Variants in TTLL13 observed in about 807,000 individuals in gnomAD.
The protein encoded by TTLL13 is tubulin tyrosine ligase like 13, also known as tubulin polyglutamylase TTLL13.
the TTLL13 span, among the ~76,000 whole-genome samples, chr15:90,264,460 C>T: frequency 3.3e-5 from 5 of 152,290 alleles, no homozygotes; most frequent in South Asian, 2.1e-4. Flanking sequence ...TGTAAGCCAC[C>T]GCACCAGGCC....
the TTLL13 span, chr15:90,250,527 A>C: frequency 7.1e-7 from 1 of 1,402,334 alleles, no homozygotes; most frequent in Non-Finnish European, 9.7e-7. Flanking sequence ...TAACAGCATG[A>C]AGGTCGTTCT....
chr15:90,265,389 G>C, the TTLL13 span: 2 of 1,247,604 alleles, frequency 1.6e-6, no homozygotes, highest in Non-Finnish European at 2.0e-6. Context: ...CCGAGGTGGC[G>C]GAGACAGGCA....
At chr15:90,263,256 G>A in the TTLL13 span, 13 of 1,024,290 alleles carry the variant, frequency 1.3e-5, no homozygotes, top group Non-Finnish European at 1.8e-5. Flanking sequence ...TGTCAGTGGA[G>A]CCTGGGAAAG....
the TTLL13 span, among the ~76,000 whole-genome samples, chr15:90,256,549 CTT>C: frequency 1.6e-4 from 4 of 24,468 alleles, no homozygotes; most frequent in South Asian, 2.0e-3. Context: ...CTTCCTTTTT[CTT>C]TCTTTCTTTC....
At chr15:90,253,335 C>G in the TTLL13 span, 5 of 1,613,408 alleles carry the variant, frequency 3.1e-6, no homozygotes, top group Non-Finnish European at 4.2e-6. Flanking sequence ...CGCTGTCTCA[C>G]TGGAACGAGT....
the TTLL13 span, chr15:90,262,715 T>C: frequency 2.1e-6 from 3 of 1,435,604 alleles, no homozygotes; most frequent in East Asian, 2.5e-5. Context: ...GAAAATGGGT[T>C]GGGACAACTA....
the TTLL13 span, chr15:90,257,061 G>A: frequency 0.27 from 367,755 of 1,340,608 alleles, 57,045 homozygotes; most frequent in East Asian, 0.66. Context: ...TTAGCTATGT[G>A]TGTGAAGCAC....
the TTLL13 span, chr15:90,249,956 T>TTTATTTATTTAC: frequency 6.6e-6 from 1 of 151,636 alleles, no homozygotes; most frequent in African/African-American, 2.4e-5. Context: ...ATTTTATTTA[T>TTTATTTATTTAC]TTATTTATTT....
the TTLL13 span, chr15:90,256,398 C>G: frequency 1.3e-4 from 192 of 1,441,010 alleles, no homozygotes; most frequent in African/African-American, 2.5e-3. Flanking sequence ...AGGCTTCTAC[C>G]CTTCCCACTA....
the TTLL13 span, chr15:90,261,959 A>G: frequency 2.1e-6 from 3 of 1,444,234 alleles, no homozygotes; most frequent in South Asian, 4.1e-5. Flanking sequence ...TCCCTACTGA[A>G]CATTCCCACA....
the TTLL13 span, chr15:90,253,284 G>A: frequency 1.2e-6 from 2 of 1,613,840 alleles, no homozygotes; most frequent in African/African-American, 1.3e-5. Context: ...CCTGAAGGAG[G>A]TGGGGGAGGA....
chr15:90,265,308 C>A, the TTLL13 span: 2 of 1,210,468 alleles, frequency 1.7e-6, no homozygotes, highest in African/African-American at 1.6e-5. Flanking sequence ...GAGCCCCTTT[C>A]CCAGAGAAGC....
chr15:90,259,050 T>A, the TTLL13 span: 1 of 1,539,218 alleles, frequency 6.5e-7, no homozygotes, highest in African/African-American at 1.4e-5. Context: ...GCATAGATAA[T>A]ATGTTCATAT....
chr15:90,258,819 T>C, the TTLL13 span: 2 of 1,614,190 alleles, frequency 1.2e-6, no homozygotes, highest in South Asian at 2.2e-5. Context: ...TGTGATGCTA[T>C]GACCCTTGTC....
the TTLL13 span, chr15:90,261,956 T>C: frequency 7.0e-7 from 1 of 1,432,874 alleles, no homozygotes; most frequent in Non-Finnish European, 9.3e-7. Context: ...CTTTCCCTAC[T>C]GAACATTCCC....
the TTLL13 span, chr15:90,251,020 G>A: frequency 9.9e-6 from 12 of 1,207,062 alleles, no homozygotes; most frequent in Middle Eastern, 5.9e-4. Flanking sequence ...ATGCTGGAGT[G>A]TCATTAACCC....
the TTLL13 span, chr15:90,258,769 G>C: frequency 1.2e-6 from 2 of 1,614,116 alleles, no homozygotes; most frequent in Non-Finnish European, 1.7e-6. Flanking sequence ...GCTTTACCAC[G>C]GACTCATGCC....
chr15:90,258,984 C>T, the TTLL13 span: 5 of 1,612,360 alleles, frequency 3.1e-6, no homozygotes, highest in East Asian at 8.9e-5. Context: ...AGTAAAAGTC[C>T]TCCTTTAGAT....
chr15:90,256,686 CTA>C, the TTLL13 span, among the ~76,000 whole-genome samples: 1 of 150,294 alleles, frequency 6.7e-6, no homozygotes, highest in African/African-American at 2.5e-5. Flanking sequence ...TTCTTTCTCT[CTA>C]CCTCTCTCTC....
Sources: gnomAD v4.1 joint callset for allele counts (sites outside exome capture counted in the v4.1 genomes callset) on GRCh38, gnomAD v4.1.1 for gene constraint, MANE v1.5 for transcripts, NCBI Gene and HGNC (gene_info 2026-07-23, HGNC 2026-07-21) for gene names.